The following GBP5 variants were observed in gnomAD, a reference collection of about 807,000 sequenced individuals.
GBP5 encodes guanylate-binding protein 5.
GBP5 carries 48 observed loss-of-function variants against 58.2 expected under a neutral mutation model. The ratio of observed to expected loss-of-function variants is 0.83; its 90% CI spans 0.65 to 1.05. GBP5 has a LOEUF of 1.05. GBP5 is among the 50% of genes least tolerant of loss of function. The probability of loss-of-function intolerance (pLI) is 0.00; values close to 1 mark genes in which losing one functional copy is unlikely to be tolerated. For missense variants in GBP5, 714 were observed against 686.8 expected (o/e 1.04, Z -0.44); for synonymous variants, 248 against 251.8 (o/e 0.98, Z 0.14).
chr1:89,266,905 A>G (rs530554777), intron 6 of GBP5, 52 bp downstream of exon 6: 8 of 1,319,096 alleles, frequency 6.1e-6, no homozygotes, highest in African/African-American at 3.0e-5. Context: ...AAAAGAGATA[A>G]TTTCTTAGAT....
Position 89,272,789 on chromosome 1 carries a change from A to T in GBP5, c.-465T>A, listed in dbSNP as rs1331358431. 6.5e-6 allele frequency: 1 copy of T among 152,842 alleles called. No homozygotes were observed. The allele number at this position is 152,842 out of a possible 1,614,324, so 9.5% of individuals were successfully genotyped here. The stretch of plus-strand genomic sequence containing the variant: ...TCATAAAGGCAGTGTGGACCCAAAG[A>T]GTGAGCAGCAGCAAGATTTATTGCA... On this transcript the variant is annotated 5_prime_UTR_variant, in exon 1 of 12. Transcript: ENST00000370459.
At chr1:89,265,649 A>T (rs914548154) in intron 7 of GBP5, among the ~76,000 whole-genome samples, 8 of 147,362 alleles carry the variant, frequency 5.4e-5, no homozygotes, top group Non-Finnish European at 1.2e-4. Context: ...AATGGTGAGA[A>T]CCCAGGAGGC....
chr1:89,266,589 C>T lies in GBP5; in HGVS notation c.626-1G>A. 14 of 1,605,068 alleles carry T rather than the reference C, an allele frequency of 8.7e-6. No homozygotes were observed. Among genetic ancestry groups the T allele is most frequent in the Non-Finnish European group, 1.2e-5 (14 of 1,174,922 alleles). ...AAATTTTGAACTCTTTGATCACTAC[C>T]TGGAGAATAAAAAATAGGATTTATT... On this transcript the variant is annotated splice_acceptor_variant, in intron 6 of 11. Coordinates refer to ENST00000370459, the MANE Select transcript of GBP5 (RefSeq NM_052942.5). LOFTEE classifies it high-confidence loss of function.
chr1:89,264,870 TTCTCTCTC>T lies in GBP5; in HGVS notation c.957_964del (p.Arg320LeufsTer12), dbSNP rs557639531. On this transcript the variant is annotated frameshift_variant, in exon 8 of 12. Coordinates refer to ENST00000370459, the MANE Select transcript of GBP5 (RefSeq NM_052942.5). LOFTEE classifies it high-confidence loss of function. ...AATGGCCTTTTGCACTGCAGCTGAGTTCTCTCTCTGAGCCAAGGCCAGGACTGCATTCT... is the reference window on the plus strand; with the variant it reads ...AATGGCCTTTTGCACTGCAGCTGAGTTGAGCCAAGGCCAGGACTGCATTCT... 2.2e-4 allele frequency: 361 copies of T among 1,614,140 alleles called. 1 individual carries two copies. The African/African-American group carries it at 4.4e-3, about 20-fold the overall frequency.
intron 9 of GBP5, 121 bp from the exon 10 acceptor site, chr1:89,262,906 A>G (rs1650065737): frequency 1.6e-6 from 1 of 611,198 alleles, no homozygotes; most frequent in African/African-American, 1.9e-5. Flanking sequence ...GCCATAGGAG[A>G]GGCTCCATAG....
rs1557501582 is a variant in GBP5, at chr1:89,263,854, G to GT, written c.1243_1244insA (p.Pro415HisfsTer13). 1.2e-6 allele frequency: 2 copies of GT among 1,612,586 alleles called. No individual in the cohort carries two copies. Among genetic ancestry groups the GT allele is most frequent in the Non-Finnish European group, 1.7e-6 (2 of 1,179,224 alleles). Reference sequence around the variant, plus strand: ...TCCCTGCTTCACTGCTTCTTCTAGAGGACCAAAAATATCCTTAAGTAAAGC... The same window carrying GT: ...TCCCTGCTTCACTGCTTCTTCTAGAGTGACCAAAAATATCCTTAAGTAAAGC... On this transcript the variant is annotated frameshift_variant, in exon 9 of 12. Transcript: ENST00000370459. LOFTEE classifies it high-confidence loss of function.
chr1:89,267,390 G>T (rs774166116), intron 5 of GBP5, 27 bp downstream of exon 5: 2 of 1,502,480 alleles, frequency 1.3e-6, no homozygotes, highest in South Asian at 2.3e-5. Context: ...TCGGACTTTG[G>T]TGCCATCCCA....
chr1:89,268,117 A>G (rs1650297606), intron 4 of GBP5, among the ~76,000 whole-genome samples: 1 of 152,242 alleles, frequency 6.6e-6, no homozygotes, highest in African/African-American at 2.4e-5. Context: ...TGTCTTCCCA[A>G]GTCTGAGTTT....
rs1649795491 is a variant in GBP5, at chr1:89,256,350, G to A, written c.*4354C>T. Among the ~76,000 whole-genome samples the A allele has an allele frequency of 6.6e-6, 1 of 152,186 alleles. No homozygotes were observed. Among genetic ancestry groups the A allele is most frequent in the Non-Finnish European group, 1.5e-5 (1 of 68,030 alleles). On this transcript the variant is annotated 3_prime_UTR_variant, in exon 12 of 12. Coordinates refer to ENST00000370459, the MANE Select transcript of GBP5 (RefSeq NM_052942.5). ...AAAATCCTAGAAAATAGTTGTGAAA[G>A]TTGTGATATTAGTTGGCTCTAGCAG...
intron 11 of GBP5, 119 bp downstream of exon 11, chr1:89,262,101 A>G (rs1650024365): frequency 1.1e-6 from 1 of 937,924 alleles, no homozygotes; most frequent in Non-Finnish European, 1.7e-6. Flanking sequence ...TCATACCCAG[A>G]CTTTCTGGCT....
intron 2 of GBP5, 129 bp from the exon 3 acceptor site, chr1:89,269,703 G>C (rs537661479): frequency 2.2e-4 from 119 of 551,860 alleles, no homozygotes; most frequent in African/African-American, 2.0e-3. Flanking sequence ...GAAAAAAAAA[G>C]TTTTAAAATA....
intron 10 of GBP5, 81 bp downstream of exon 10, chr1:89,262,602 A>G: frequency 9.7e-7 from 1 of 1,025,912 alleles, no homozygotes; most frequent in South Asian, 1.4e-5. Context: ...CTCTAGTTTA[A>G]CATCCCATGA....
chr1:89,264,462 T>C (rs1271143126), intron 8 of GBP5, among the ~76,000 whole-genome samples: 1 of 152,232 alleles, frequency 6.6e-6, no homozygotes, highest in Non-Finnish European at 1.5e-5. Context: ...AGTTCATGGG[T>C]ATAACATGGT....
At position 89,262,294 on chromosome 1, in the gene GBP5, GTTCCT is replaced by G. The variant is rs1204016371; in HGVS notation, c.1568_1572del (p.Gln523ProfsTer40). On this transcript the variant is annotated frameshift_variant, in exon 11 of 12. Transcript: ENST00000370459. LOFTEE classifies it high-confidence loss of function. ...TTGGCTATCTCCATTTGTCTCACTT[GTTCCT>G]GATGGAGTCTCTCCCTCTCCTGCAT... The G allele has an allele frequency of 6.2e-7, 1 of 1,614,026 alleles. No individual in the cohort carries two copies. Among genetic ancestry groups the G allele is most frequent in the Non-Finnish European group, 8.5e-7 (1 of 1,180,010 alleles).
intron 4 of GBP5, 40 bp from the exon 5 acceptor site, chr1:89,267,566 T>G (rs749829201): frequency 4.1e-6 from 5 of 1,225,092 alleles, no homozygotes; most frequent in Non-Finnish European, 6.1e-6. Flanking sequence ...CTCATGGGAT[T>G]CCCAGATGAG....
intron 7 of GBP5, 21 bp from the exon 8 acceptor site, chr1:89,264,987 T>C (rs1228425825): frequency 6.3e-7 from 1 of 1,590,868 alleles, no homozygotes; most frequent in Non-Finnish European, 8.6e-7. Flanking sequence ...GAAAGAAACA[T>C]TTATATTATT....
intron 7 of GBP5, among the ~76,000 whole-genome samples, 191 bp from the exon 8 acceptor site, chr1:89,265,157 G>C (rs1348620273): frequency 6.6e-6 from 1 of 152,100 alleles, no homozygotes; most frequent in Non-Finnish European, 1.5e-5. Flanking sequence ...TTCATTCTTT[G>C]GGAAAGGAAA....
At position 89,256,555 on chromosome 1, in the gene GBP5, GTAAC is replaced by G. The variant is rs563170770; in HGVS notation, c.*4145_*4148del. Among the ~76,000 whole-genome samples, 9 of 152,308 alleles carry G rather than the reference GTAAC, an allele frequency of 5.9e-5. No homozygotes were observed. The South Asian group carries it at 1.9e-3, about 32-fold the overall frequency. On this transcript the variant is annotated 3_prime_UTR_variant, in exon 12 of 12. Coordinates refer to ENST00000370459, the MANE Select transcript of GBP5 (RefSeq NM_052942.5). ...AATTTTGAAAAACAGAGAATGGGAT[GTAAC>G]TAACTAAAATATTGCTTTGAAAGGG...
intron 5 of GBP5, 44 bp downstream of exon 5, chr1:89,267,373 A>C: frequency 2.3e-6 from 3 of 1,319,028 alleles, no homozygotes; most frequent in Non-Finnish European, 3.3e-6. Flanking sequence ...TAAATAGAGG[A>C]GTTCTGTCGG....
Sources: allele counts gnomAD v4.1 joint callset (sites outside exome capture counted in the v4.1 genomes callset), GRCh38; gene constraint gnomAD v4.1.1; transcripts MANE v1.5; gene names NCBI Gene and HGNC (gene_info 2026-07-23, HGNC 2026-07-21).